The following KRT4 variants were observed in gnomAD, a reference collection of about 807,000 sequenced individuals.
KRT4 encodes keratin 4.
Under a neutral mutation model 50.6 loss-of-function variants are expected in KRT4, and 47 were observed. The observed-to-expected ratio is 0.93, with a 90% CI of 0.73 to 1.18. KRT4 has a LOEUF of 1.18. KRT4 is among the 50% of genes most tolerant of loss of function. The pLI, the probability that KRT4 is intolerant of heterozygous loss-of-function variation, is 0.00. For missense variants in KRT4, 651 were observed against 645.7 expected (o/e 1.01, Z -0.09); for synonymous variants, 254 against 251.2 (o/e 1.01, Z -0.10).
chr12:52,810,468 AC>A (rs773352068), intron 3 of KRT4, among the ~76,000 whole-genome samples: 1 of 151,880 alleles, frequency 6.6e-6, no homozygotes, highest in Non-Finnish European at 1.5e-5. Context: ...AATCGCTTGA[AC>A]CCAGTAGGTG....
intron 3 of KRT4, 84 bp downstream of exon 3, chr12:52,810,671 GA>G: frequency 1.8e-6 from 2 of 1,127,124 alleles, no homozygotes; most frequent in Non-Finnish European, 2.7e-6. Context: ...GGCAGAGATG[GA>G]CCAAACCCAT....
At position 52,809,456 on chromosome 12, in the gene KRT4, T is replaced by C. The variant is rs375435485; in HGVS notation, c.761A>G (p.Asn254Ser). 1 of 1,613,890 alleles carries C rather than the reference T, an allele frequency of 6.2e-7. No individual in the cohort carries two copies. Among genetic ancestry groups the C allele is most frequent in the African/African-American group, 1.3e-5 (1 of 74,906 alleles). The change falls in exon 4 of 9, where the codon AAC becomes AGC. Residue 254 changes from asparagine to serine, a missense_variant. Asn to Ser is a conservative substitution (Grantham distance 46). Coordinates refer to ENST00000551956, the MANE Select transcript of KRT4 (RefSeq NM_002272.4). The stretch of plus-strand genomic sequence containing the variant: ...CACCTTGGCCTCCAACTCCACCTTG[T>C]TCAGGTAGGCAGCATCCACGTCCTG... The part of the protein sequence containing the change: ...LKKDVDAAYL[N>S]KVELEAKVDS...
chr12:52,808,601 C>T (rs1378818395), intron 5 of KRT4, 85 bp downstream of exon 5: 1 of 1,535,282 alleles, frequency 6.5e-7, no homozygotes, highest in South Asian at 1.1e-5. Flanking sequence ...TTCTATTGGG[C>T]TTGAGCTAAT....
At chr12:52,809,564 C>T (rs1383246314) in intron 3 of KRT4, 86 bp from the exon 4 acceptor site, 13 of 948,044 alleles carry the variant, frequency 1.4e-5, no homozygotes, top group Non-Finnish European at 2.1e-5. Context: ...CAGGTGTTCT[C>T]AGCAGCATTT....
chr12:52,807,120 G>T lies in KRT4; in HGVS notation c.1512C>A (p.Gly504=), dbSNP rs573971498. The T allele has an allele frequency of 4.3e-6, 7 of 1,614,132 alleles. No individual in the cohort carries two copies. In the African/African-American group the frequency reaches 9.3e-5, roughly 22 times the overall value. ...TAGAGATGATCTTGCTGCTGGAACT[G>T]CCAGAGACACTGCCACCAAACCCAA... ...SGFGFGGSVS[G]SSSSKIISTT... is the part of the protein sequence containing the mutation. Residue 504 remains glycine, a synonymous_variant, in exon 9 of 9, where the codon GGC becomes GGA. Coordinates refer to ENST00000551956, the MANE Select transcript of KRT4 (RefSeq NM_002272.4).
Position 52,807,237 on chromosome 12 carries a change from A to G in KRT4, c.1395T>C (p.Gly465=). The change falls in exon 9 of 9, where the codon GGT becomes GGC. Residue 465 remains glycine, a synonymous_variant. Transcript: ENST00000551956. Reference sequence around the variant, plus strand: ...CGCTGATGCCTCCAGTGCTGGTGCTACCGCTGACCACAGCTGCAGAAAAGA... The same window carrying G: ...CGCTGATGCCTCCAGTGCTGGTGCTGCCGCTGACCACAGCTGCAGAAAAGA... The part of the protein sequence containing the change: ...QSAVSISVVS[G]STSTGGISGG... 6.2e-7 allele frequency: 1 copy of G among 1,614,174 alleles called. No homozygotes were observed. The highest frequency in any genetic ancestry group is 2.2e-5 in the East Asian group (1 of 44,890).
rs776481112 is a variant in KRT4 at position 52,809,384 on chromosome 12, G to T, written c.833C>A (p.Ala278Glu). Residue 278 changes from alanine to glutamate, a missense_variant and splice_region_variant, in exon 4 of 9, where the codon GCG becomes GAG. Coordinates refer to ENST00000551956, the MANE Select transcript of KRT4 (RefSeq NM_002272.4). ...EINFLKVLYD[A>E]ELSQMQTHVS... ...TGGAGGGGAGGATGGAGCCCTCACC[G>T]CATCATAGAGGACCTTCAGGAAGTT... 2.2e-5 allele frequency: 36 copies of T among 1,606,902 alleles called. No homozygotes were observed. Among genetic ancestry groups the T allele is most frequent in the Admixed American group, 3.3e-5 (2 of 59,986 alleles).
Position 52,806,940 on chromosome 12 carries a change from A to G in KRT4, c.*129T>C. On this transcript the variant is annotated 3_prime_UTR_variant, in exon 9 of 9. Transcript: ENST00000551956. ...GATCATCCTGGGGCAGAGAGAGCCC[A>G]TGGGATAGTGGAGGGGATACTAGTA... 1 of 891,924 alleles carries G rather than the reference A, an allele frequency of 1.1e-6. No individual in the cohort carries two copies. The highest frequency in any genetic ancestry group is 1.4e-5 in the South Asian group (1 of 71,290). The allele number at this position is 891,924 out of a possible 1,614,324, so 55.3% of individuals were successfully genotyped here.
chr12:52,810,536 A>C (rs1429365613), intron 3 of KRT4, among the ~76,000 whole-genome samples: 1 of 152,064 alleles, frequency 6.6e-6, no homozygotes, highest in Non-Finnish European at 1.5e-5. Context: ...AAAAAGAGTG[A>C]AGCTCCATCT....
Position 52,809,368 on chromosome 12 carries a change from G to A in KRT4, c.834+15C>T, listed in dbSNP as rs1939866555. On this transcript the variant is annotated intron_variant, in intron 4 of 8. Transcript: ENST00000551956. ...ATTCCCTTTCCCTGGATGGAGGGGA[G>A]GATGGAGCCCTCACCGCATCATAGA... The A allele has an allele frequency of 1.9e-6, 3 of 1,582,074 alleles. No individual in the cohort carries two copies. The highest frequency in any genetic ancestry group is 2.2e-5 in the East Asian group (1 of 44,714).
Position 52,808,357 on chromosome 12 carries a change from T to G in KRT4, c.1062A>C (p.Glu354Asp), listed in dbSNP as rs1371399315. The G allele has an allele frequency of 3.1e-6, 5 of 1,614,008 alleles. No homozygotes were observed. The highest frequency in any genetic ancestry group is 3.3e-5 in the Admixed American group (2 of 60,002). Reference protein sequence around the residue: ...HGDNLKNTKSEIAELNRMIQR... With the variant: ...HGDNLKNTKSDIAELNRMIQR... ...GGATCATCCTGTTGAGCTCTGCAAT[T>G]TCACTCTTGGTGTTCTTCAGGTTGT... The change falls in exon 6 of 9, where the codon GAA (glutamate) becomes GAC (aspartate). Residue 354 changes from glutamate to aspartate, a missense_variant. Glu to Asp is a conservative substitution (Grantham distance 45). Transcript: ENST00000551956.
chr12:52,811,372 T>A (rs962827697), intron 2 of KRT4: 2 of 268,838 alleles, frequency 7.4e-6, no homozygotes, highest in African/African-American at 4.5e-5. Context: ...CAAAGATGAA[T>A]AAAACTGAAG....
rs898026335 is a variant in KRT4 at position 52,807,986 on chromosome 12, C to T, written c.1126-122G>A. The T allele has an allele frequency of 7.6e-6, 7 of 918,614 alleles. No individual in the cohort carries two copies. In the African/African-American group the frequency reaches 9.8e-5, roughly 13 times the overall value. 56.9% of individuals were successfully genotyped at this position (918,614 alleles called of 1,614,324 possible). On this transcript the variant is annotated intron_variant, in intron 6 of 8. Coordinates refer to ENST00000551956, the MANE Select transcript of KRT4 (RefSeq NM_002272.4). ...ATGTCAAGATTCTATCTGTTCTGCC[C>T]ACTTTCCCTGAGACTTATGCATCTC...
intron 2 of KRT4, 175 bp downstream of exon 2, chr12:52,811,588 G>A (rs1939910647): frequency 4.8e-6 from 3 of 626,416 alleles, no homozygotes; most frequent in Admixed American, 5.6e-5. Flanking sequence ...AAAATCTGTG[G>A]TTACCAGACC....
intron 1 of KRT4, among the ~76,000 whole-genome samples, 160 bp from the exon 2 acceptor site, chr12:52,812,137 G>A (rs973747950): frequency 6.6e-6 from 1 of 152,118 alleles, no homozygotes; most frequent in African/African-American, 2.4e-5. Context: ...ATTCACTCGG[G>A]TTGACATGAT....
chr12:52,810,290 G>C (rs1206027116), intron 3 of KRT4, among the ~76,000 whole-genome samples: 1 of 152,202 alleles, frequency 6.6e-6, no homozygotes, highest in Non-Finnish European at 1.5e-5. Context: ...GCTCACAACT[G>C]TAACCCCAGC....
Position 52,813,889 on chromosome 12 carries a change from C to A in KRT4, c.170G>T (p.Gly57Val), listed in dbSNP as rs1939960296. The change falls in exon 1 of 9, where the codon GGG (glycine) becomes GTG (valine). Residue 57 changes from glycine to valine, a missense_variant. By Grantham distance (109) the Gly-to-Val change is moderately radical (BLOSUM62 -3). Coordinates refer to ENST00000551956, the MANE Select transcript of KRT4 (RefSeq NM_002272.4). ...FGSRSLYNLR[G>V]NKSISMSVAG... Reference sequence around the variant, plus strand: ...CACACTCATGGAGATGCTTTTGTTCCCCCTGAGGTTGTAGAGGCTTCTGCT... The same window carrying A: ...CACACTCATGGAGATGCTTTTGTTCACCCTGAGGTTGTAGAGGCTTCTGCT... 2 of 1,614,290 alleles carry A rather than the reference C, an allele frequency of 1.2e-6. No individual in the cohort carries two copies. The highest frequency in any genetic ancestry group is 1.7e-6 in the Non-Finnish European group (2 of 1,180,058).
chr12:52,811,775 T>C lies in KRT4; in HGVS notation c.665A>G (p.Asp222Gly). The C allele has an allele frequency of 1.2e-6, 2 of 1,613,118 alleles. No individual in the cohort carries two copies. Among genetic ancestry groups the C allele is most frequent in the South Asian group, 1.1e-5 (1 of 91,038 alleles). ...CCTCCCCATGTACTTAGTCTTGAAG[T>C]CCTCCACGCTGTCCTGCATGGTCTT... ...ELKTMQDSVEDFKTKYEEEIN... is the reference protein window; with the variant it reads ...ELKTMQDSVEGFKTKYEEEIN... The change falls in exon 2 of 9, where the codon GAC becomes GGC. Residue 222 changes from aspartate to glycine, a missense_variant. By Grantham distance (94) the Asp-to-Gly change is moderately conservative (BLOSUM62 -1). Transcript: ENST00000551956.
chr12:52,807,786 C>T lies in KRT4; in HGVS notation c.1204G>A (p.Val402Ile), dbSNP rs772882487. The change falls in exon 7 of 9, where the codon GTA becomes ATA. Residue 402 changes from valine to isoleucine, a missense_variant. Coordinates refer to ENST00000551956, the MANE Select transcript of KRT4 (RefSeq NM_002272.4). ...NALKDAHSKR[V>I]ELEAALQQAK... ...TGCTGCAGGGCAGCCTCCAGCTCTA[C>T]GCGCTTGCTGTGGGCATCTTTAAGG... is the stretch of plus-strand genomic sequence containing the variant. 2.5e-5 allele frequency: 41 copies of T among 1,614,086 alleles called. No homozygotes were observed. The highest frequency in any genetic ancestry group is 6.7e-5 in the African/African-American group (5 of 74,932).
Sources: gnomAD v4.1 joint callset for allele counts (sites outside exome capture counted in the v4.1 genomes callset) on GRCh38, gnomAD v4.1.1 for gene constraint, MANE v1.5 for transcripts, NCBI Gene and HGNC (gene_info 2026-07-23, HGNC 2026-07-21) for gene names.